PCDHA6: variants seen among roughly 807,000 people sequenced by gnomAD.
PCDHA6 encodes protocadherin alpha-6.
A neutral mutation model predicts 60.3 loss-of-function variants in PCDHA6; 55 were observed. That is an observed-to-expected ratio of 0.91 (90% CI 0.73 to 1.14). PCDHA6 has a LOEUF of 1.14. Ranked by LOEUF, PCDHA6 falls within the 50% of genes most tolerant of loss-of-function variation. The pLI is 0.00. For missense variants in PCDHA6, 1,327 were observed against 1,256.5 expected (o/e 1.06, Z -0.85); for synonymous variants, 652 against 557.9 (o/e 1.17, Z -2.38).
rs185281311 is a variant in PCDHA6 at position 140,896,058 on chromosome 5, G to A, written c.2394+65573G>A. The stretch of plus-strand genomic sequence containing the variant: ...ACTCCTGACCTCAGGTGATCCGCCT[G>A]CCTCGGCCTCCCAACATGCTGGGAT... On this transcript the variant is annotated intron_variant, in intron 1 of 3. Coordinates refer to ENST00000529310, the MANE Select transcript of PCDHA6 (RefSeq NM_018909.4). 4.1e-3 allele frequency among the ~76,000 whole-genome samples: 624 copies of A among 152,238 alleles called. 2 individuals carry two copies. The highest frequency in any genetic ancestry group is 6.8e-3 in the Middle Eastern group (2 of 294).
intron 1 of PCDHA6, among the ~76,000 whole-genome samples, chr5:140,938,945 T>A (rs1390189208): frequency 6.6e-6 from 1 of 152,154 alleles, no homozygotes; most frequent in African/African-American, 2.4e-5. Context: ...TCCATTCTTA[T>A]AATGCTCTAG....
At chr5:140,972,990 G>A (rs185555684) in intron 1 of PCDHA6, among the ~76,000 whole-genome samples, 2 of 152,188 alleles carry the variant, frequency 1.3e-5, no homozygotes, top group African/African-American at 4.8e-5. Context: ...GGTAGATTCT[G>A]TGCATTTGTG....
At position 140,843,578 on chromosome 5, in the gene PCDHA6, C is replaced by T. The variant is rs1372766659; in HGVS notation, c.2394+13093C>T. On this transcript the variant is annotated intron_variant, in intron 1 of 3. Coordinates refer to ENST00000529310, the MANE Select transcript of PCDHA6 (RefSeq NM_018909.4). ...GGTGGGGAGCTGGTCATACTCGCAA[C>T]AACAGCCGCAGAGGGTGTGCTCTGG... 9 of 1,595,980 alleles carry T rather than the reference C, an allele frequency of 5.6e-6. 1 individual carries two copies. The highest frequency in any genetic ancestry group is 7.7e-6 in the Non-Finnish European group (9 of 1,165,492).
intron 1 of PCDHA6, chr5:140,866,274 A>G (rs1554160163): frequency 6.6e-6 from 1 of 152,156 alleles, no homozygotes; most frequent in African/African-American, 2.4e-5. Flanking sequence ...GTGAATAAAG[A>G]CAGTGTTTGG....
chr5:140,845,456 CTGATATT>C (rs1779887189), intron 1 of PCDHA6, among the ~76,000 whole-genome samples: 2 of 149,562 alleles, frequency 1.3e-5, no homozygotes, highest in Admixed American at 1.3e-4. Context: ...CTTCAACTCT[CTGATATT>C]TGAATTTGGG....
At chr5:141,006,215 TA>T (rs200576602) in intron 3 of PCDHA6, among the ~76,000 whole-genome samples, 4 of 151,640 alleles carry the variant, frequency 2.6e-5, no homozygotes, top group South Asian at 2.1e-4. Flanking sequence ...CATTTTTTTT[TA>T]AATTTTTTAT....
chr5:140,834,648 C>T (rs1554134397), intron 1 of PCDHA6: 3 of 1,614,200 alleles, frequency 1.9e-6, no homozygotes, highest in Admixed American at 1.7e-5. Flanking sequence ...TGTGAATTCT[C>T]GGATCGACCG....
intron 1 of PCDHA6, among the ~76,000 whole-genome samples, chr5:140,923,753 TG>T (rs1217230498): frequency 6.6e-6 from 1 of 152,174 alleles, no homozygotes; most frequent in Non-Finnish European, 1.5e-5. Context: ...AGGCATATGG[TG>T]GGACAAATCC....
chr5:140,913,552 T>A (rs1474729453), intron 1 of PCDHA6, among the ~76,000 whole-genome samples: 1 of 152,166 alleles, frequency 6.6e-6, no homozygotes, highest in African/African-American at 2.4e-5. Context: ...GTTTTGTTGA[T>A]CTCTTGTATT....
intron 1 of PCDHA6, chr5:140,850,751 G>A (rs2041804257): frequency 6.3e-7 from 1 of 1,597,836 alleles, no homozygotes; most frequent in Non-Finnish European, 8.6e-7. Flanking sequence ...CGTACTCGCA[G>A]CAGAGGAGGC....
intron 1 of PCDHA6, among the ~76,000 whole-genome samples, chr5:140,976,972 C>T (rs969505831): frequency 2.6e-5 from 4 of 152,182 alleles, no homozygotes; most frequent in Non-Finnish European, 5.9e-5. Flanking sequence ...TTCCTTTTCC[C>T]TGCCTGATCT....
chr5:140,937,728 C>T (rs1180728000), intron 1 of PCDHA6, among the ~76,000 whole-genome samples: 4 of 151,954 alleles, frequency 2.6e-5, no homozygotes, highest in African/African-American at 7.2e-5. Flanking sequence ...CTGGCTAACA[C>T]GGTGAAACCC....
chr5:140,843,036 G>A (rs2150350746), intron 1 of PCDHA6: 3 of 1,595,194 alleles, frequency 1.9e-6, no homozygotes, highest in Middle Eastern at 1.7e-4. Context: ...CGGGTGGGTG[G>A]CACTGGTGGC....
intron 1 of PCDHA6, among the ~76,000 whole-genome samples, chr5:140,911,053 G>A (rs2075311912): frequency 6.6e-6 from 1 of 152,090 alleles, no homozygotes. Flanking sequence ...GGGGTGGTGG[G>A]GGGTGGGTCC....
chr5:140,830,731 G>C (rs1172672953), intron 1 of PCDHA6: 11 of 211,044 alleles, frequency 5.2e-5, no homozygotes, highest in Admixed American at 5.7e-5. Context: ...AATATTCTTG[G>C]ATATGTCGTT....
chr5:140,851,473 G>A, intron 1 of PCDHA6: 4 of 889,518 alleles, frequency 4.5e-6, no homozygotes, highest in African/African-American at 1.8e-5. Context: ...GTCAATAAAT[G>A]TTATAAACAC....
intron 3 of PCDHA6, among the ~76,000 whole-genome samples, chr5:140,995,650 A>T (rs1166713964): frequency 6.6e-6 from 1 of 152,182 alleles, no homozygotes; most frequent in Non-Finnish European, 1.5e-5. Context: ...GAAAAGGAGA[A>T]TCGAAAAGGG....
chr5:140,934,040 T>C (rs185239175), intron 1 of PCDHA6, among the ~76,000 whole-genome samples: 230 of 152,238 alleles, frequency 1.5e-3, no homozygotes, highest in African/African-American at 5.3e-3. Flanking sequence ...ATTAATGATA[T>C]TAGTCTTTCC....
intron 3 of PCDHA6, among the ~76,000 whole-genome samples, chr5:140,997,458 G>A (rs1167865060): frequency 5.3e-5 from 8 of 152,070 alleles, no homozygotes; most frequent in African/African-American, 1.7e-4. Flanking sequence ...ACTGAATACT[G>A]TAGGCAATTT....
Sources: allele counts gnomAD v4.1 joint callset (sites outside exome capture counted in the v4.1 genomes callset), GRCh38; gene constraint gnomAD v4.1.1; transcripts MANE v1.5; gene names NCBI Gene and HGNC (gene_info 2026-07-23, HGNC 2026-07-21).